The following ANO2 variants were observed in gnomAD, a reference collection of about 807,000 sequenced individuals.
ANO2 encodes anoctamin-2.
A neutral mutation model predicts 124.2 loss-of-function variants in ANO2; 101 were observed. That is an observed-to-expected ratio of 0.81 (90% CI 0.69 to 0.96). The LOEUF is 0.96. Among genes scored for constraint, ANO2 ranks in the 40% least tolerant of loss-of-function variants. The pLI is 0.00. For missense variants in ANO2, 1,293 were observed against 1,274.5 expected, an observed-to-expected ratio of 1.01 and a Z score of -0.22; for synonymous variants, 486 against 482.5, an observed-to-expected ratio of 1.01 and a Z score of -0.09.
At chr12:5,720,981 G>A (rs775204918) in intron 14 of ANO2, among the ~76,000 whole-genome samples, 31 of 152,208 alleles carry the variant, frequency 2.0e-4, no homozygotes, top group Non-Finnish European at 1.0e-4. Context: ...GTCTACTTGG[G>A]ATGCGTAATT....
chr12:5,638,682 T>C (rs1354292200), intron 15 of ANO2, among the ~76,000 whole-genome samples: 3 of 152,052 alleles, frequency 2.0e-5, no homozygotes, highest in African/African-American at 7.2e-5. Flanking sequence ...TTCTGTGCCT[T>C]AAGCCACTTC....
At chr12:5,600,451 A>C (rs1198550102) in intron 19 of ANO2, among the ~76,000 whole-genome samples, 1 of 152,198 alleles carries the variant, frequency 6.6e-6, no homozygotes, top group East Asian at 1.9e-4. Flanking sequence ...AGACAACTAC[A>C]TTCAGGACTT....
chr12:5,598,389 A>T (rs761343759), intron 20 of ANO2, among the ~76,000 whole-genome samples: 3 of 117,858 alleles, frequency 2.5e-5, no homozygotes, highest in Non-Finnish European at 3.6e-5. Context: ...ACAGACTCTC[A>T]TTCTGTTGGC....
intron 14 of ANO2, among the ~76,000 whole-genome samples, chr12:5,674,587 A>G (rs1199921572): frequency 1.3e-5 from 2 of 152,198 alleles, no homozygotes. Flanking sequence ...ACCTCTTCTT[A>G]GAAGAAGCTC....
rs1300954788 is a variant in ANO2, at chr12:5,658,882, T to C, written c.1546-11081A>G. On this transcript the variant is annotated intron_variant, in intron 14 of 24. Coordinates refer to ENST00000682330, the MANE Select transcript of ANO2 (RefSeq NM_001364791.2). This position sits in a 1 kb window ranked among gnomAD's most constrained non-coding sequence, Gnocchi z 4.3. ...AATATCATCATCATCATCAACATCA[T>C]TATCATCATTAAAATCATCATCAGC... Among the ~76,000 whole-genome samples, 1 of 152,122 alleles carries C rather than the reference T, an allele frequency of 6.6e-6. No individual in the cohort carries two copies. The highest frequency in any genetic ancestry group is 2.4e-5 in the African/African-American group (1 of 41,404).
At chr12:5,843,157 CAAT>C (rs1954574316) in intron 4 of ANO2, among the ~76,000 whole-genome samples, 1 of 152,100 alleles carries the variant, frequency 6.6e-6, no homozygotes, top group Non-Finnish European at 1.5e-5. Flanking sequence ...AAGTTACTGA[CAAT>C]AATAATAACA....
At chr12:5,846,942 C>T (rs1406345033) in intron 4 of ANO2, among the ~76,000 whole-genome samples, 3 of 152,178 alleles carry the variant, frequency 2.0e-5, no homozygotes, top group African/African-American at 7.2e-5. Context: ...TATTCATTCC[C>T]TAACAAAGAG....
chr12:5,744,170 G>C lies in ANO2; in HGVS notation c.1338C>G (p.Phe446Leu). 2 of 1,613,216 alleles carry C rather than the reference G, an allele frequency of 1.2e-6. No individual in the cohort carries two copies. Among genetic ancestry groups the C allele is most frequent in the Non-Finnish European group, 1.7e-6 (2 of 1,179,870 alleles). ...DNPATVFFSI[F>L]MALWATMFLE... ...ATGGCCACATACCCCACAGAGCCAT[G>C]AAGATAGAGAAGAAGACGGTGGCAG... Residue 446 changes from phenylalanine (F) to leucine (L), a missense_variant, in exon 12 of 25, where the codon TTC (phenylalanine) becomes TTG (leucine). Coordinates refer to ENST00000682330, the MANE Select transcript of ANO2 (RefSeq NM_001364791.2).
chr12:5,732,882 G>C, intron 13 of ANO2: 1 of 1,613,916 alleles, frequency 6.2e-7, no homozygotes, highest in Non-Finnish European at 8.5e-7. Context: ...ACGTTCCTGG[G>C]GATAGCGCCG....
At chr12:5,675,336 T>C (rs2136993049) in intron 14 of ANO2, among the ~76,000 whole-genome samples, 1 of 152,330 alleles carries the variant, frequency 6.6e-6, no homozygotes, top group Non-Finnish European at 1.5e-5. Flanking sequence ...ACACAGTCTC[T>C]GCCACACAAT....
intron 15 of ANO2, among the ~76,000 whole-genome samples, chr12:5,638,128 G>A (rs10492182): frequency 6.6e-6 from 1 of 151,986 alleles, no homozygotes; most frequent in Admixed American, 6.5e-5. Context: ...GAGGGTATAC[G>A]GTAGAGCTGA....
At chr12:5,584,008 T>A (rs1358354918) in intron 20 of ANO2, 1 of 241,812 alleles carries the variant, frequency 4.1e-6, no homozygotes, top group South Asian at 6.9e-5. Flanking sequence ...TTCCTTCGAA[T>A]TTGCTCCAAG....
rs1019154264 is a variant in ANO2 at position 5,936,788 on chromosome 12, C to T, written c.22+8408G>A. 3.9e-5 allele frequency among the ~76,000 whole-genome samples: 6 copies of T among 152,334 alleles called. No individual in the cohort carries two copies. In the East Asian group the frequency reaches 1.2e-3, roughly 29 times the overall value. The stretch of plus-strand genomic sequence containing the variant: ...CTACTACATTTACATCTACGATTCA[C>T]TTTGAGTTAATTTTTATGTATGAGT... On this transcript the variant is annotated intron_variant, in intron 1 of 24. Transcript: ENST00000682330.
chr12:5,607,573 T>G (rs1944282711), intron 19 of ANO2, among the ~76,000 whole-genome samples: 1 of 152,164 alleles, frequency 6.6e-6, no homozygotes. Context: ...CCGTCCTTGG[T>G]CTGTTAAGAA....
At chr12:5,828,681 A>G (rs1290123896) in intron 6 of ANO2, among the ~76,000 whole-genome samples, 1 of 152,206 alleles carries the variant, frequency 6.6e-6, no homozygotes, top group Admixed American at 6.5e-5. Context: ...TGGGGCCTGC[A>G]GGGGACTGTG....
chr12:5,902,391 C>T lies in ANO2; in HGVS notation c.534+18649G>A, dbSNP rs183308885. Among the ~76,000 whole-genome samples, 104 of 151,286 alleles carry T rather than the reference C, an allele frequency of 6.9e-4. 1 individual carries two copies. The highest frequency in any genetic ancestry group is 2.5e-3 in the African/African-American group (103 of 41,182). ...CTTGGAGCCAGGAGTTTGCAATCAG[C>T]CTTGGCAATATAGTGAGACCCCCAT... On this transcript the variant is annotated intron_variant, in intron 3 of 24. Coordinates refer to ENST00000682330, the MANE Select transcript of ANO2 (RefSeq NM_001364791.2).
intron 10 of ANO2, among the ~76,000 whole-genome samples, chr12:5,756,008 T>C (rs1442915547): frequency 1.3e-5 from 2 of 152,156 alleles, no homozygotes; most frequent in African/African-American, 2.4e-5. Context: ...GTTCACTCTA[T>C]GGTGTCCCAT....
chr12:5,922,610 C>CCCGAAAA lies in ANO2; in HGVS notation c.207+9_207+10insTTTTCGG. 3.9e-6 allele frequency: 6 copies of CCCGAAAA among 1,525,378 alleles called. No homozygotes were observed. Among genetic ancestry groups the CCCGAAAA allele is most frequent in the Non-Finnish European group, 5.3e-6 (6 of 1,136,122 alleles). The allele number at this position is 1,525,378 out of a possible 1,614,324, so 94.5% of individuals were successfully genotyped here. On this transcript the variant is annotated intron_variant, in intron 2 of 24. Coordinates refer to ENST00000682330, the MANE Select transcript of ANO2 (RefSeq NM_001364791.2). The stretch of plus-strand genomic sequence containing the variant: ...CCTATCCCCCCACCCCACCCCCGCC[C>CCCGAAAA]AGTACTCACAGAGCTGCTGCGGGTG...
intron 14 of ANO2, among the ~76,000 whole-genome samples, chr12:5,704,426 G>A (rs1309956703): frequency 6.6e-6 from 1 of 152,150 alleles, no homozygotes; most frequent in Non-Finnish European, 1.5e-5. Flanking sequence ...AAATGGGTGG[G>A]CATAAAAGAA....
Sources: allele counts gnomAD v4.1 joint callset (sites outside exome capture counted in the v4.1 genomes callset), GRCh38; gene constraint gnomAD v4.1.1; non-coding constraint Gnocchi (gnomAD v3.1); transcripts MANE v1.5; gene names NCBI Gene and HGNC (gene_info 2026-07-23, HGNC 2026-07-21).